Variants in INO80D observed in about 807,000 individuals in gnomAD.
INO80D encodes INO80 complex subunit D.
Under a neutral mutation model 87.6 loss-of-function variants are expected in INO80D, and 21 were observed. The observed-to-expected ratio is 0.24, with a 90% CI of 0.17 to 0.35. The LOEUF is 0.35. Among genes scored for constraint, INO80D ranks in the 10% least tolerant of loss-of-function variants. The pLI is 1.00. For synonymous variants in INO80D, 440 were observed against 491.0 expected (o/e 0.90, Z 1.37); for missense variants, 982 against 1,280.7 (o/e 0.77, Z 3.56).
intron 5 of INO80D, among the ~76,000 whole-genome samples, chr2:206,042,005 G>T (rs1000715504): frequency 6.6e-6 from 1 of 151,992 alleles, no homozygotes; most frequent in African/African-American, 2.4e-5. Flanking sequence ...GGTAGCACAC[G>T]CCTATGATCT....
At chr2:206,030,439 G>A (rs1412296512) in intron 5 of INO80D, among the ~76,000 whole-genome samples, 2 of 151,392 alleles carry the variant, frequency 1.3e-5, no homozygotes, top group Non-Finnish European at 2.9e-5. Context: ...CTCCATCCTG[G>A]GTGACAGAGC....
intron 1 of INO80D, among the ~76,000 whole-genome samples, chr2:206,083,860 CAAA>C (rs35840816): frequency 9.0e-5 from 9 of 99,560 alleles, no homozygotes; most frequent in Non-Finnish European, 8.3e-5. Context: ...CTAAGCTCAC[CAAA>C]AAAAAAAAAA....
intron 1 of INO80D, among the ~76,000 whole-genome samples, chr2:206,084,992 A>T (rs1690397581): frequency 6.6e-6 from 1 of 151,970 alleles, no homozygotes; most frequent in Non-Finnish European, 1.5e-5. Flanking sequence ...GCAGCCCCGA[A>T]TGGGCTCGCG....
At position 205,997,222 on chromosome 2, in the gene INO80D, C is replaced by T. The variant is rs1238822811; in HGVS notation, c.*7146G>A. 1 of 151,844 alleles carries T rather than the reference C, an allele frequency of 6.6e-6. No homozygotes were observed. Among genetic ancestry groups the T allele is most frequent in the Non-Finnish European group, 1.5e-5 (1 of 67,922 alleles). 9.4% of individuals were successfully genotyped at this position (151,844 alleles called of 1,614,324 possible). ...TGTATAGCAAAATAACAACTTAAAA[C>T]TCAAAATAAAGGGATGTATTTTTTT... On this transcript the variant is annotated 3_prime_UTR_variant, in exon 11 of 11. Coordinates refer to ENST00000403263, the MANE Select transcript of INO80D (RefSeq NM_017759.5).
At chr2:206,020,089 G>GT (rs34519729) in intron 6 of INO80D, among the ~76,000 whole-genome samples, 105,694 of 148,842 alleles carry the variant, frequency 0.71, 38,078 homozygotes, top group South Asian at 0.83. Flanking sequence ...AAGTATGTCT[G>GT]TTTTTTTTTT....
intron 6 of INO80D, among the ~76,000 whole-genome samples, chr2:206,027,479 G>A (rs185476980): frequency 3.2e-4 from 49 of 152,212 alleles, no homozygotes; most frequent in South Asian, 2.5e-3. Context: ...TGGGAGGATC[G>A]CTTCAGGCCA....
chr2:206,072,223 T>G (rs1195690532), intron 1 of INO80D, among the ~76,000 whole-genome samples: 2 of 152,104 alleles, frequency 1.3e-5, no homozygotes, highest in Non-Finnish European at 2.9e-5. Context: ...CCTGGTTCAA[T>G]TTTCACTGCA....
intron 1 of INO80D, among the ~76,000 whole-genome samples, chr2:206,067,326 G>T (rs1689846048): frequency 6.6e-6 from 1 of 151,918 alleles, no homozygotes; most frequent in African/African-American, 2.4e-5. Context: ...GGAAAGAAGA[G>T]AATATGGAGA....
In INO80D at chr2:206,009,589, G is replaced by A; in HGVS notation, c.1748C>T (p.Ala583Val). ...TGGCACCACTGACCGGATGTGAGAG[G>A]CCTCCACTGGCAGTGAGACGCTGGC... ...MPASVSLPVEASHIRSPSTPE... is the reference protein window; with the variant it reads ...MPASVSLPVEVSHIRSPSTPE... Residue 583 changes from alanine to valine, a missense_variant, in exon 9 of 11, where the codon GCC becomes GTC. Ala to Val is a moderately conservative substitution (Grantham distance 64, BLOSUM62 0). Coordinates refer to ENST00000403263, the MANE Select transcript of INO80D (RefSeq NM_017759.5). The A allele has an allele frequency of 6.2e-7, 1 of 1,612,476 alleles. No individual in the cohort carries two copies. Among genetic ancestry groups the A allele is most frequent in the Non-Finnish European group, 8.5e-7 (1 of 1,179,370 alleles).
intron 1 of INO80D, among the ~76,000 whole-genome samples, chr2:206,068,221 C>T (rs1689870560): frequency 6.6e-6 from 1 of 152,148 alleles, no homozygotes; most frequent in South Asian, 2.1e-4. Flanking sequence ...GCCTCAGCCT[C>T]CCAAGTAGCT....
At chr2:206,045,328 C>G (rs1320677702) in intron 5 of INO80D, among the ~76,000 whole-genome samples, 1 of 152,168 alleles carries the variant, frequency 6.6e-6, no homozygotes, top group Non-Finnish European at 1.5e-5. Flanking sequence ...TCTAGGTATA[C>G]TAACAAATCA....
rs146332907 is a variant in INO80D, at chr2:206,018,654, C to G, written c.1409-841G>C. Among the ~76,000 whole-genome samples, 1,475 of 152,270 alleles carry G rather than the reference C, an allele frequency of 9.7e-3. 9 individuals are homozygous for G. Among genetic ancestry groups the G allele is most frequent in the Non-Finnish European group, 0.015 (1,037 of 68,018 alleles). ...CTTCACTATTGGCCAGGCACAGTGGCTCACACCTATACTCCCAGCACTGTG... is the reference window on the plus strand; with the variant it reads ...CTTCACTATTGGCCAGGCACAGTGGGTCACACCTATACTCCCAGCACTGTG... On this transcript the variant is annotated intron_variant, in intron 7 of 10. Coordinates refer to ENST00000403263, the MANE Select transcript of INO80D (RefSeq NM_017759.5).
At chr2:206,034,112 T>G (rs1367032764) in intron 5 of INO80D, among the ~76,000 whole-genome samples, 2 of 151,976 alleles carry the variant, frequency 1.3e-5, no homozygotes, top group Non-Finnish European at 2.9e-5. Flanking sequence ...ATTTAAAAAT[T>G]ACCAACAAAA....
chr2:206,026,060 G>A (rs1253896503), intron 6 of INO80D, among the ~76,000 whole-genome samples: 1 of 151,916 alleles, frequency 6.6e-6, no homozygotes, highest in Admixed American at 6.6e-5. Flanking sequence ...ACCACACCTG[G>A]CTAATTTTTG....
Position 206,037,272 on chromosome 2 carries a change from TG to T in INO80D, c.1074-8938del, listed in dbSNP as rs1224025712. 2.0e-5 allele frequency among the ~76,000 whole-genome samples: 3 copies of T among 152,300 alleles called. No individual in the cohort carries two copies. The East Asian group carries it at 5.8e-4, about 29-fold the overall frequency. On this transcript the variant is annotated intron_variant, in intron 5 of 10. Coordinates refer to ENST00000403263, the MANE Select transcript of INO80D (RefSeq NM_017759.5). ...AATACAGAGCAGCAAATTCTACACT[TG>T]ATATTCTAAGATTCCAGGCTTGTCC...
At chr2:206,012,007 A>T (rs566961350) in intron 8 of INO80D, among the ~76,000 whole-genome samples, 92 of 152,348 alleles carry the variant, frequency 6.0e-4, no homozygotes, top group African/African-American at 2.1e-3. Context: ...CAATGCGGAA[A>T]CTTGGGAAAA....
chr2:206,007,574 C>G lies in INO80D; in HGVS notation c.1761-133G>C, dbSNP rs1688059087. On this transcript the variant is annotated intron_variant, in intron 9 of 10. Transcript: ENST00000403263. Reference sequence around the variant, plus strand: ...CAGTGGCTCACACCTGTAATCCCAGCACTTTGGGAGGCCAAGGTGAGAGGA... The same window carrying G: ...CAGTGGCTCACACCTGTAATCCCAGGACTTTGGGAGGCCAAGGTGAGAGGA... 5 of 1,033,014 alleles carry G rather than the reference C, an allele frequency of 4.8e-6. No individual in the cohort carries two copies. In the African/African-American group the frequency reaches 8.1e-5, roughly 17 times the overall value. 64.0% of individuals were successfully genotyped at this position (1,033,014 alleles called of 1,614,324 possible). A position where few individuals can be genotyped will look rare whatever the true frequency, so the allele number is the denominator to read the frequency against.
intron 5 of INO80D, among the ~76,000 whole-genome samples, chr2:206,041,014 G>T (rs1689033639): frequency 6.6e-6 from 1 of 152,128 alleles, no homozygotes; most frequent in Admixed American, 6.6e-5. Flanking sequence ...TGCGTGAAGT[G>T]GTTTAACACT....
intron 1 of INO80D, among the ~76,000 whole-genome samples, chr2:206,083,792 G>A (rs938758125): frequency 6.9e-6 from 1 of 144,194 alleles, no homozygotes; most frequent in African/African-American, 2.6e-5. Context: ...GACATCTCCT[G>A]CCAGCAACTC....
Sources: allele counts gnomAD v4.1 joint callset (sites outside exome capture counted in the v4.1 genomes callset), GRCh38; gene constraint gnomAD v4.1.1; transcripts MANE v1.5; gene names NCBI Gene and HGNC (gene_info 2026-07-23, HGNC 2026-07-21).